ERICH1: variants seen among roughly 807,000 people sequenced by gnomAD.
ERICH1 encodes glutamate rich 1, also known as glutamate-rich protein 1.
Under a neutral mutation model 39.6 loss-of-function variants are expected in ERICH1, and 56 were observed. That is an observed-to-expected ratio of 1.41 (90% CI 1.14 to 1.77). ERICH1 has a LOEUF of 1.77. Ranked by LOEUF, ERICH1 falls within the 40% of genes most tolerant of loss-of-function variation. The probability of loss-of-function intolerance (pLI) is 0.00; values close to 1 mark genes in which losing one functional copy is unlikely to be tolerated. For missense variants in ERICH1, 826 were observed against 575.4 expected (o/e 1.44, Z -4.45); for synonymous variants, 313 against 223.6 (o/e 1.40, Z -3.57).
intron 3 of ERICH1, among the ~76,000 whole-genome samples, chr8:623,393 G>A (rs1797406238): frequency 6.6e-6 from 1 of 152,154 alleles, no homozygotes; most frequent in Non-Finnish European, 1.5e-5. Flanking sequence ...AACCTCCTCA[G>A]CCTGATGCTT....
chr8:651,551 G>A (rs899508602), intron 3 of ERICH1, among the ~76,000 whole-genome samples: 2 of 152,164 alleles, frequency 1.3e-5, no homozygotes, highest in African/African-American at 4.8e-5. Context: ...GAACCTGGGA[G>A]TCCACGAAGT....
chr8:677,424 G>T (rs1205093332), intron 3 of ERICH1, among the ~76,000 whole-genome samples: 3 of 152,234 alleles, frequency 2.0e-5, no homozygotes, highest in Non-Finnish European at 4.4e-5. Context: ...ACAGGCTGAA[G>T]CAGCTCCGCA....
intron 3 of ERICH1, among the ~76,000 whole-genome samples, chr8:674,623 T>C (rs1449747190): frequency 6.6e-6 from 1 of 152,226 alleles, no homozygotes; most frequent in Non-Finnish European, 1.5e-5. Flanking sequence ...ATTTTTATAG[T>C]AAAATTTCAT....
chr8:702,813 C>T (rs540822404), intron 2 of ERICH1, among the ~76,000 whole-genome samples: 16 of 152,298 alleles, frequency 1.1e-4, no homozygotes, highest in Admixed American at 9.2e-4. Flanking sequence ...AGGGGCAGGG[C>T]GGAAGCCAGA....
chr8:632,376 G>A (rs1798096477), intron 3 of ERICH1, among the ~76,000 whole-genome samples: 1 of 151,956 alleles, frequency 6.6e-6, no homozygotes, highest in South Asian at 2.1e-4. Flanking sequence ...GTTTAAAAAT[G>A]ATCTTTTCTT....
chr8:692,523 T>A lies in ERICH1; in HGVS notation c.259A>T (p.Ser87Cys), dbSNP rs766882480. 1 of 1,614,072 alleles carries A rather than the reference T, an allele frequency of 6.2e-7. No homozygotes were observed. The highest frequency in any genetic ancestry group is 2.2e-5 in the East Asian group (1 of 44,860). The change falls in exon 3 of 6, where the codon AGC becomes TGC. Residue 87 changes from serine (S) to cysteine (C), a missense_variant. By Grantham distance (112) the Ser-to-Cys change is moderately radical. Transcript: ENST00000262109. ...GAGGCGTTCTCGGGGCTCCCACAGC[T>A]GCTGGGCTCCGGCCAACAGGGGACG... ...GYVPCWPEPS[S>C]CGSPENASSG...
intron 1 of ERICH1, among the ~76,000 whole-genome samples, chr8:729,932 T>A (rs1404344321): frequency 6.7e-6 from 1 of 150,010 alleles, no homozygotes; most frequent in Non-Finnish European, 1.5e-5. Flanking sequence ...AAGAGAAGAG[T>A]GTGTTGTGGT....
chr8:644,153 G>A (rs899521736), intron 3 of ERICH1, among the ~76,000 whole-genome samples: 6 of 152,120 alleles, frequency 3.9e-5, no homozygotes, highest in African/African-American at 1.4e-4. Flanking sequence ...GTGGCCTCCT[G>A]GCCCCGTCCT....
intron 3 of ERICH1, among the ~76,000 whole-genome samples, chr8:620,284 C>A (rs999837907): frequency 6.6e-6 from 1 of 152,102 alleles, no homozygotes; most frequent in African/African-American, 2.4e-5. Flanking sequence ...TGCACTCCAG[C>A]CTGGGCAACA....
At chr8:619,467 T>C (rs1797144518) in intron 3 of ERICH1, among the ~76,000 whole-genome samples, 1 of 152,160 alleles carries the variant, frequency 6.6e-6, no homozygotes, top group Admixed American at 6.5e-5. Flanking sequence ...CGTAATACAT[T>C]TGAAAATAGC....
Position 724,673 on chromosome 8 carries a change from C to T in ERICH1, c.22+6467G>A, listed in dbSNP as rs569106883. 2.6e-5 allele frequency among the ~76,000 whole-genome samples: 4 copies of T among 152,354 alleles called. No individual in the cohort carries two copies. The South Asian group carries it at 8.3e-4, about 32-fold the overall frequency. ...TCAGGAGACACCAGATAAACTACAC[C>T]TTTTACTCCAATATTGTTATTTTTT... is the stretch of plus-strand genomic sequence containing the variant. On this transcript the variant is annotated intron_variant, in intron 1 of 5. Coordinates refer to ENST00000262109, the MANE Select transcript of ERICH1 (RefSeq NM_207332.3).
chr8:653,518 CT>C (rs151130049), intron 3 of ERICH1, among the ~76,000 whole-genome samples: 2,028 of 152,190 alleles, frequency 0.013, 43 homozygotes, highest in African/African-American at 0.045. Context: ...ATCACTTCCC[CT>C]TTTTTTTGTC....
chr8:640,957 G>A (rs1798905132), intron 3 of ERICH1: 2 of 152,318 alleles, frequency 1.3e-5, no homozygotes, highest in Admixed American at 1.3e-4. Flanking sequence ...GGGAGATATG[G>A]AATGCAACAA....
At chr8:698,693 G>A (rs1486736168) in intron 2 of ERICH1, among the ~76,000 whole-genome samples, 2 of 152,130 alleles carry the variant, frequency 1.3e-5, no homozygotes, top group African/African-American at 4.8e-5. Flanking sequence ...ATGGCTCACT[G>A]TCTAGAGCTC....
At chr8:676,778 T>G (rs965154943) in intron 3 of ERICH1, among the ~76,000 whole-genome samples, 1 of 152,196 alleles carries the variant, frequency 6.6e-6, no homozygotes, top group East Asian at 1.9e-4. Flanking sequence ...ACTATAAAGC[T>G]TGCCGCTGCA....
chr8:724,853 A>T (rs1020596857), intron 1 of ERICH1, among the ~76,000 whole-genome samples: 9 of 152,324 alleles, frequency 5.9e-5, no homozygotes, highest in Non-Finnish European at 1.3e-4. Flanking sequence ...TGTGGAACCC[A>T]GAACCCGGGA....
At chr8:687,833 GC>G (rs1454146156) in intron 3 of ERICH1, among the ~76,000 whole-genome samples, 1 of 152,160 alleles carries the variant, frequency 6.6e-6, no homozygotes, top group African/African-American at 2.4e-5. Context: ...GCGCGGAGAG[GC>G]CCCGGATGCA....
intron 2 of ERICH1, among the ~76,000 whole-genome samples, chr8:707,317 A>C (rs7813999): frequency 0.79 from 119,698 of 151,336 alleles, 48,155 homozygotes; most frequent in East Asian, 0.99. Context: ...AAGCGACTCT[A>C]CTGCGTCAGC....
At chr8:686,157 A>AATCATC (rs896052593) in intron 3 of ERICH1, among the ~76,000 whole-genome samples, 1 of 152,066 alleles carries the variant, frequency 6.6e-6, no homozygotes, top group African/African-American at 2.4e-5. Context: ...TCCATCTCAA[A>AATCATC]ATCATCATCA....
Sources: gnomAD v4.1 joint callset for allele counts (sites outside exome capture counted in the v4.1 genomes callset) on GRCh38, gnomAD v4.1.1 for gene constraint, MANE v1.5 for transcripts, NCBI Gene and HGNC (gene_info 2026-07-23, HGNC 2026-07-21) for gene names.